Variants in CNTN1 observed in about 807,000 individuals in gnomAD.
CNTN1 encodes contactin-1.
CNTN1 carries 38 observed loss-of-function variants against 126.4 expected under a neutral mutation model. That is an observed-to-expected ratio of 0.30 (90% CI 0.23 to 0.39). CNTN1 has a LOEUF of 0.39. Among genes scored for constraint, CNTN1 ranks in the 10% least tolerant of loss-of-function variants. The probability of loss-of-function intolerance (pLI) is 1.00; values close to 1 mark genes in which losing one functional copy is unlikely to be tolerated. For synonymous variants in CNTN1, 413 were observed against 422.6 expected (o/e 0.98, Z 0.28); for missense variants, 1,009 against 1,248.4 (o/e 0.81, Z 2.89).
chr12:40,993,278 A>G lies in CNTN1; in HGVS notation c.2113+9A>G. ...TAAAACAGACGGTGCTGGTATGTAT[A>G]TACAAGAAACTTGAAATTTTAAAAG... On this transcript the variant is annotated intron_variant, in intron 17 of 23. Transcript: ENST00000551295. 1.9e-6 allele frequency: 3 copies of G among 1,612,318 alleles called. No homozygotes were observed. Among genetic ancestry groups the G allele is most frequent in the Non-Finnish European group, 8.5e-7 (1 of 1,178,566 alleles).
chr12:40,966,998 A>G (rs1947329673), intron 15 of CNTN1, among the ~76,000 whole-genome samples: 2 of 151,914 alleles, frequency 1.3e-5, no homozygotes, highest in African/African-American at 4.8e-5. Flanking sequence ...GCAAACTGGA[A>G]TTTCTTTTTT....
chr12:40,738,521 G>A (rs1937797883), intron 1 of CNTN1, among the ~76,000 whole-genome samples: 1 of 151,988 alleles, frequency 6.6e-6, no homozygotes, highest in African/African-American at 2.4e-5. Flanking sequence ...TTTTGACAAA[G>A]GACATCATTA....
chr12:40,738,946 A>C (rs1937815501), intron 1 of CNTN1, among the ~76,000 whole-genome samples: 1 of 152,078 alleles, frequency 6.6e-6, no homozygotes, highest in South Asian at 2.1e-4. Context: ...CATAGATTCA[A>C]CCTAGCAACT....
intron 1 of CNTN1, among the ~76,000 whole-genome samples, chr12:40,831,567 A>G (rs1941840781): frequency 6.6e-6 from 1 of 152,158 alleles, no homozygotes; most frequent in South Asian, 2.1e-4. Context: ...AGTAATTAAC[A>G]TATGAAACAT....
chr12:41,064,629 C>T (rs1216364675), intron 23 of CNTN1, among the ~76,000 whole-genome samples: 1 of 152,088 alleles, frequency 6.6e-6, no homozygotes, highest in Non-Finnish European at 1.5e-5. Flanking sequence ...AGTACAGGTG[C>T]CAGCATGAAA....
At position 41,000,439 on chromosome 12, in the gene CNTN1, C is replaced by G. The variant is rs563977854; in HGVS notation, c.2113+7170C>G. ...ATGAGTTATAGGGGTAAAAGAGTTC[C>G]TAGAAGTTATTTTAATACTCCAGCT... On this transcript the variant is annotated intron_variant, in intron 17 of 23. Coordinates refer to ENST00000551295, the MANE Select transcript of CNTN1 (RefSeq NM_001843.4). 1.6e-4 allele frequency among the ~76,000 whole-genome samples: 25 copies of G among 152,042 alleles called. No individual in the cohort carries two copies. In the East Asian group the frequency reaches 4.6e-3, roughly 28 times the overall value.
chr12:40,817,600 G>T (rs1242850969), intron 1 of CNTN1, among the ~76,000 whole-genome samples: 25 of 147,932 alleles, frequency 1.7e-4, no homozygotes. Flanking sequence ...GCACATTGAT[G>T]GGTCTTGACT....
intron 1 of CNTN1, among the ~76,000 whole-genome samples, chr12:40,876,550 T>A (rs1943675674): frequency 6.6e-6 from 1 of 152,100 alleles, no homozygotes; most frequent in Non-Finnish European, 1.5e-5. Context: ...TCTCAGATAT[T>A]TTTAGGATAC....
At chr12:40,815,033 G>C (rs1304876851) in intron 1 of CNTN1, among the ~76,000 whole-genome samples, 23 of 151,692 alleles carry the variant, frequency 1.5e-4, no homozygotes, top group Admixed American at 1.5e-3. Flanking sequence ...CACAGTGAAA[G>C]AGAAACCCAG....
chr12:40,749,125 T>A (rs1938294952), intron 1 of CNTN1, among the ~76,000 whole-genome samples: 1 of 152,136 alleles, frequency 6.6e-6, no homozygotes, highest in Non-Finnish European at 1.5e-5. Context: ...AATACTTTAT[T>A]ATCTCCCTGG....
chr12:40,696,223 G>A (rs993039944), intron 1 of CNTN1, among the ~76,000 whole-genome samples: 5 of 152,148 alleles, frequency 3.3e-5, no homozygotes, highest in Admixed American at 6.5e-5. Flanking sequence ...CCATCAATAG[G>A]CATCATTCCT....
intron 1 of CNTN1, among the ~76,000 whole-genome samples, chr12:40,795,562 TGTTG>T (rs1363334960): frequency 3.3e-5 from 5 of 151,442 alleles, no homozygotes; most frequent in Non-Finnish European, 7.4e-5. Flanking sequence ...ATATAGGTTC[TGTTG>T]GTTCTGAAAA....
At chr12:41,067,661 A>G (rs1950075251) in intron 23 of CNTN1, among the ~76,000 whole-genome samples, 1 of 150,784 alleles carries the variant, frequency 6.6e-6, no homozygotes, top group Non-Finnish European at 1.5e-5. Context: ...GATATACCTA[A>G]TGCTAGATGA....
At chr12:41,027,637 A>C (rs1266103695) in intron 21 of CNTN1, among the ~76,000 whole-genome samples, 1 of 152,224 alleles carries the variant, frequency 6.6e-6, no homozygotes, top group East Asian at 1.9e-4. Flanking sequence ...TGATGAGAAG[A>C]GAATAAAAGT....
chr12:40,761,430 T>C (rs1462984024), intron 1 of CNTN1, among the ~76,000 whole-genome samples: 1 of 152,126 alleles, frequency 6.6e-6, no homozygotes, highest in African/African-American at 2.4e-5. Context: ...TTCCTTTTCT[T>C]TTTCTTGAAA....
chr12:40,808,995 G>C (rs984129), intron 1 of CNTN1, among the ~76,000 whole-genome samples: 85,253 of 151,828 alleles, frequency 0.56, 24,347 homozygotes, highest in East Asian at 0.77. Flanking sequence ...CTCTAGTCAA[G>C]AATTTTGCAT....
At chr12:40,919,740 G>A (rs114700602) in intron 4 of CNTN1, among the ~76,000 whole-genome samples, 2,007 of 152,172 alleles carry the variant, frequency 0.013, 45 homozygotes, top group African/African-American at 0.046. Flanking sequence ...AGATAAAATT[G>A]TGAATTTAGA....
At chr12:40,702,716 A>T (rs117142146) in intron 1 of CNTN1, among the ~76,000 whole-genome samples, 1 of 152,180 alleles carries the variant, frequency 6.6e-6, no homozygotes, top group Non-Finnish European at 1.5e-5. Context: ...AATTGCAGGC[A>T]TGAGACACTG....
intron 15 of CNTN1, chr12:40,971,367 T>TGCATG: frequency 7.4e-7 from 1 of 1,359,764 alleles, no homozygotes; most frequent in Middle Eastern, 1.8e-4. Flanking sequence ...ATCCCCCAAG[T>TGCATG]GCATGGCTTC....
Sources: gnomAD v4.1 joint callset for allele counts (sites outside exome capture counted in the v4.1 genomes callset) on GRCh38, gnomAD v4.1.1 for gene constraint, MANE v1.5 for transcripts, NCBI Gene and HGNC (gene_info 2026-07-23, HGNC 2026-07-21) for gene names.